Variants in MGAT4C observed in about 807,000 individuals in gnomAD.
MGAT4C encodes the protein alpha-1,3-mannosyl-glycoprotein 4-beta-N-acetylglucosaminyltransferase C.
Under a neutral mutation model 40.1 loss-of-function variants are expected in MGAT4C, and 19 were observed. The ratio of observed to expected loss-of-function variants is 0.47; its 90% CI spans 0.33 to 0.70. The LOEUF (loss-of-function observed/expected upper bound fraction) is 0.70, where lower values mean the gene tolerates loss of function less well. MGAT4C is among the 30% of genes least tolerant of loss of function. The pLI is 0.02. For synonymous variants in MGAT4C, 181 were observed against 187.1 expected, an observed-to-expected ratio of 0.97 and a Z score of 0.27; for missense variants, 491 against 563.2, an observed-to-expected ratio of 0.87 and a Z score of 1.30.
chr12:86,029,742 T>C (rs1890569269), intron 2 of MGAT4C, among the ~76,000 whole-genome samples: 1 of 151,944 alleles, frequency 6.6e-6, no homozygotes, highest in South Asian at 2.1e-4. Context: ...TGAGGAACTT[T>C]ACAGGATAGA....
At chr12:86,454,828 A>G (rs1187954792) in intron 2 of MGAT4C, among the ~76,000 whole-genome samples, 1 of 152,026 alleles carries the variant, frequency 6.6e-6, no homozygotes, top group Admixed American at 6.6e-5. Flanking sequence ...ATTCATATGA[A>G]ATCTGTGTAA....
chr12:86,784,285 T>C (rs1031821637), intron 1 of MGAT4C, among the ~76,000 whole-genome samples: 6 of 152,098 alleles, frequency 3.9e-5, no homozygotes, highest in African/African-American at 1.4e-4. Flanking sequence ...ATGATTTCTG[T>C]GACTAGATTA....
intron 3 of MGAT4C, among the ~76,000 whole-genome samples, chr12:86,340,798 A>C: frequency 6.6e-6 from 1 of 152,260 alleles, no homozygotes; most frequent in South Asian, 2.1e-4. Flanking sequence ...CATAGAGTGA[A>C]CATGATAGTG....
intron 2 of MGAT4C, among the ~76,000 whole-genome samples, chr12:86,663,487 A>G (rs1171498765): frequency 6.6e-6 from 1 of 152,272 alleles, no homozygotes; most frequent in Non-Finnish European, 1.5e-5. Flanking sequence ...TGTGAAACTT[A>G]GTCATTTATC....
At chr12:86,170,255 G>C (rs1886669925) in intron 1 of MGAT4C, among the ~76,000 whole-genome samples, 1 of 152,202 alleles carries the variant, frequency 6.6e-6, no homozygotes, top group Non-Finnish European at 1.5e-5. Flanking sequence ...GAATCCTCAT[G>C]AAAACAGCTG....
intron 2 of MGAT4C, among the ~76,000 whole-genome samples, chr12:86,616,252 C>T (rs1962442080): frequency 6.6e-6 from 1 of 152,016 alleles, no homozygotes; most frequent in African/African-American, 2.4e-5. Flanking sequence ...GCTGTACTTG[C>T]AACAATGGCT....
chr12:86,592,006 A>G (rs1961350328), intron 2 of MGAT4C, among the ~76,000 whole-genome samples: 1 of 152,098 alleles, frequency 6.6e-6, no homozygotes, highest in Admixed American at 6.6e-5. Context: ...TAAGTCTTTC[A>G]TTAAATAAGT....
intron 1 of MGAT4C, among the ~76,000 whole-genome samples, chr12:86,115,635 T>C (rs144169482): frequency 1.4e-4 from 22 of 152,176 alleles, no homozygotes; most frequent in African/African-American, 5.3e-4. Context: ...AAAGTCATCT[T>C]AGAATAATTC....
chr12:86,467,622 T>C (rs552949490), intron 2 of MGAT4C, among the ~76,000 whole-genome samples: 17 of 152,144 alleles, frequency 1.1e-4, no homozygotes, highest in Non-Finnish European at 1.6e-4. Context: ...TATATATTTA[T>C]TGCAAAAATA....
chr12:86,668,263 G>A (rs1442374817), intron 2 of MGAT4C, among the ~76,000 whole-genome samples: 7 of 152,146 alleles, frequency 4.6e-5, no homozygotes, highest in Admixed American at 2.0e-4. Context: ...GAATCTACCA[G>A]AATCATGATG....
chr12:86,571,270 T>A (rs1008505120), intron 2 of MGAT4C, among the ~76,000 whole-genome samples: 1 of 152,184 alleles, frequency 6.6e-6, no homozygotes, highest in Non-Finnish European at 1.5e-5. Context: ...TACACTGGTA[T>A]ATTGAGGAAA....
intron 3 of MGAT4C, among the ~76,000 whole-genome samples, chr12:86,396,414 T>C (rs1956264441): frequency 6.6e-6 from 1 of 152,146 alleles, no homozygotes; most frequent in South Asian, 2.1e-4. Context: ...ATTATCGAGC[T>C]CTACACATCT....
intron 1 of MGAT4C, among the ~76,000 whole-genome samples, chr12:86,169,991 C>A: frequency 6.6e-6 from 1 of 152,072 alleles, no homozygotes; most frequent in Non-Finnish European, 1.5e-5. Context: ...AAAGCATGTG[C>A]GATTTATTAC....
intron 1 of MGAT4C, among the ~76,000 whole-genome samples, chr12:86,242,454 A>T (rs1333145971): frequency 6.6e-6 from 1 of 152,134 alleles, no homozygotes; most frequent in Admixed American, 6.5e-5. Flanking sequence ...TGTCCATGTG[A>T]ATAGGCACGG....
At position 85,958,332 on chromosome 12, in the gene MGAT4C, C is replaced by G. The variant is rs144708115; in HGVS notation, c.*20957G>C. 5 of 152,118 alleles carry G rather than the reference C, an allele frequency of 3.3e-5. No homozygotes were observed. Among genetic ancestry groups the G allele is most frequent in the African/African-American group, 4.8e-5 (2 of 41,468 alleles). 9.4% of individuals were successfully genotyped at this position (152,118 alleles called of 1,614,324 possible). A position where few individuals can be genotyped will look rare whatever the true frequency, so the allele number is the denominator to read the frequency against. On this transcript the variant is annotated 3_prime_UTR_variant, in exon 5 of 5. Coordinates refer to ENST00000611864, the MANE Select transcript of MGAT4C (RefSeq NM_001351288.2). ...AGGAGTTCTTGGCCTCTCAAAGTAC[C>G]GGGATTACAGGCATGAGCCACCACG... is the stretch of plus-strand genomic sequence containing the variant.
At chr12:86,326,371 GAT>G (rs2136168267) in intron 4 of MGAT4C, among the ~76,000 whole-genome samples, 1 of 151,414 alleles carries the variant, frequency 6.6e-6, no homozygotes, top group East Asian at 1.9e-4. Context: ...TAATTAGCTT[GAT>G]TGTATTGTTC....
At chr12:86,099,083 T>C (rs1386906805) in intron 1 of MGAT4C, among the ~76,000 whole-genome samples, 1 of 151,366 alleles carries the variant, frequency 6.6e-6, no homozygotes, top group Non-Finnish European at 1.5e-5. Context: ...TATATCAGAA[T>C]TCTCTAATTA....
At chr12:86,108,416 CT>C (rs542900025) in intron 1 of MGAT4C, among the ~76,000 whole-genome samples, 2 of 151,948 alleles carry the variant, frequency 1.3e-5, no homozygotes, top group African/African-American at 2.4e-5. Flanking sequence ...CTTCTCTTTT[CT>C]TTTTTTTCTT....
rs1206523545 is a variant in MGAT4C, at chr12:85,959,374, A to C, written c.*19915T>G. 1 of 152,086 alleles carries C rather than the reference A, an allele frequency of 6.6e-6. No individual in the cohort carries two copies. Among genetic ancestry groups the C allele is most frequent in the Non-Finnish European group, 1.5e-5 (1 of 67,960 alleles). 9.4% of individuals were successfully genotyped at this position (152,086 alleles called of 1,614,324 possible). ...CTAAAGTTTGGTAAATCTTTGCTTT[A>C]CAGGGCTTCAAGTTATAGATTTTTC... On this transcript the variant is annotated 3_prime_UTR_variant, in exon 5 of 5. Coordinates refer to ENST00000611864, the MANE Select transcript of MGAT4C (RefSeq NM_001351288.2).
Sources: gnomAD v4.1 joint callset for allele counts (sites outside exome capture counted in the v4.1 genomes callset) on GRCh38, gnomAD v4.1.1 for gene constraint, MANE v1.5 for transcripts, NCBI Gene and HGNC (gene_info 2026-07-23, HGNC 2026-07-21) for gene names.